MAGI2: variants seen among roughly 807,000 people sequenced by gnomAD.
The protein encoded by MAGI2 is membrane associated guanylate kinase, WW and PDZ domain containing 2.
Under a neutral mutation model 133.3 loss-of-function variants are expected in MAGI2, and 35 were observed. That is an observed-to-expected ratio of 0.26 (90% CI 0.20 to 0.35). The LOEUF (loss-of-function observed/expected upper bound fraction) is 0.35, where lower values mean the gene tolerates loss of function less well. MAGI2 is among the 10% of genes least tolerant of loss of function. The probability of loss-of-function intolerance (pLI) is 1.00; values close to 1 mark genes in which losing one functional copy is unlikely to be tolerated. For missense variants in MAGI2, 1,636 were observed against 1,863.4 expected, an observed-to-expected ratio of 0.88 and a Z score of 2.25; for synonymous variants, 729 against 710.6, an observed-to-expected ratio of 1.03 and a Z score of -0.41.
At chr7:79,366,164 C>G (rs1319968324) in intron 1 of MAGI2, among the ~76,000 whole-genome samples, 1 of 151,736 alleles carries the variant, frequency 6.6e-6, no homozygotes, top group African/African-American at 2.4e-5. Context: ...ATCGCTTGAG[C>G]CCAGGAAGTC....
chr7:79,030,945 C>G (rs1400612817), intron 1 of MAGI2, among the ~76,000 whole-genome samples: 1 of 152,218 alleles, frequency 6.6e-6, no homozygotes, highest in Non-Finnish European at 1.5e-5. Context: ...TCACTGATTA[C>G]TTTCACAAGT....
intron 1 of MAGI2, among the ~76,000 whole-genome samples, chr7:79,209,505 C>T (rs1278311115): frequency 6.6e-6 from 1 of 151,940 alleles, no homozygotes; most frequent in Non-Finnish European, 1.5e-5. Flanking sequence ...TCACCCTCTA[C>T]CTCTAGCAAT....
chr7:78,191,941 C>T (rs902933074), intron 12 of MAGI2, among the ~76,000 whole-genome samples: 2 of 152,158 alleles, frequency 1.3e-5, no homozygotes, highest in African/African-American at 4.8e-5. Context: ...AAATTTCCAT[C>T]ATTTGTAGGG....
chr7:78,773,238 G>A (rs1825729241), intron 2 of MAGI2, among the ~76,000 whole-genome samples: 1 of 151,968 alleles, frequency 6.6e-6, no homozygotes, highest in African/African-American at 2.4e-5. Context: ...TGATGAACAT[G>A]GAATATGGAC....
intron 9 of MAGI2, among the ~76,000 whole-genome samples, chr7:78,319,387 C>A (rs1307818048): frequency 2.6e-5 from 4 of 152,182 alleles, no homozygotes; most frequent in Non-Finnish European, 2.9e-5. Context: ...GGAAGTAAGA[C>A]ACTCCTCAGA....
intron 2 of MAGI2, among the ~76,000 whole-genome samples, chr7:78,890,957 C>T (rs1796693911): frequency 6.6e-6 from 1 of 151,764 alleles, no homozygotes; most frequent in Non-Finnish European, 1.5e-5. Context: ...TTTGAAAAGA[C>T]CAACGCAATT....
At chr7:78,083,387 G>GGAGAGAGAGAGAGAGAGAGAGA (rs747230358) in intron 20 of MAGI2, among the ~76,000 whole-genome samples, 35 of 33,304 alleles carry the variant, frequency 1.1e-3, no homozygotes, top group East Asian at 2.6e-3. Flanking sequence ...AGGGAGGGGG[G>GGAGAGAGAGAGAGAGAGAGAGA]GAGAGAGAGA....
intron 9 of MAGI2, among the ~76,000 whole-genome samples, chr7:78,336,117 A>G (rs1789731613): frequency 1.3e-5 from 2 of 152,332 alleles, no homozygotes; most frequent in South Asian, 4.1e-4. Flanking sequence ...GAGGGTGGGA[A>G]GGGACAGGGT....
At chr7:78,667,694 T>A (rs1813788698) in intron 2 of MAGI2, among the ~76,000 whole-genome samples, 1 of 151,978 alleles carries the variant, frequency 6.6e-6, no homozygotes, top group African/African-American at 2.4e-5. Flanking sequence ...TCCAATTTCA[T>A]CCATGTCCCT....
chr7:79,453,462 C>T lies in MAGI2; in HGVS notation c.-142G>A. ...TCGCCCCCCTCTATTCGGTGCTTTCCCTCTTCTTTGGATGGAGTGTGGACG... is the reference window on the plus strand; with the variant it reads ...TCGCCCCCCTCTATTCGGTGCTTTCTCTCTTCTTTGGATGGAGTGTGGACG... On this transcript the variant is annotated 5_prime_UTR_variant, in exon 1 of 22. Transcript: ENST00000354212. 6.8e-7 allele frequency: 1 copy of T among 1,468,552 alleles called. No individual in the cohort carries two copies. Among genetic ancestry groups the T allele is most frequent in the Non-Finnish European group, 8.9e-7 (1 of 1,117,524 alleles). The allele number at this position is 1,468,552 out of a possible 1,614,324, so 91.0% of individuals were successfully genotyped here. A position where few individuals can be genotyped will look rare whatever the true frequency, so the allele number is the denominator to read the frequency against.
intron 2 of MAGI2, among the ~76,000 whole-genome samples, chr7:78,925,458 T>C (rs1462555974): frequency 1.3e-5 from 2 of 152,152 alleles, no homozygotes; most frequent in East Asian, 1.9e-4. Context: ...CTTTCCATCA[T>C]TCATCTTGCT....
At chr7:78,057,579 A>C (rs1812722105) in intron 21 of MAGI2, among the ~76,000 whole-genome samples, 1 of 152,034 alleles carries the variant, frequency 6.6e-6, no homozygotes, top group Admixed American at 6.6e-5. Flanking sequence ...TTTGATTTGC[A>C]TTGCCCTGAT....
rs1795150665 is a variant in MAGI2 at position 78,277,334 on chromosome 7, A to G, written c.1409-20753T>C. Among the ~76,000 whole-genome samples, 4 of 152,178 alleles carry G rather than the reference A, an allele frequency of 2.6e-5. No homozygotes were observed. The South Asian group carries it at 8.3e-4, about 31-fold the overall frequency. On this transcript the variant is annotated intron_variant, in intron 9 of 21. Transcript: ENST00000354212. ...AACCAGTGATCACAAAAGTATCAAA[A>G]CAAAATGAAAGAAACTTTTTACCTC... is the stretch of plus-strand genomic sequence containing the variant.
chr7:78,943,229 A>G (rs568918233), intron 2 of MAGI2, among the ~76,000 whole-genome samples: 9 of 152,262 alleles, frequency 5.9e-5, no homozygotes, highest in Non-Finnish European at 1.2e-4. Flanking sequence ...GGGATATTTG[A>G]AGAACATTAA....
chr7:78,032,341 A>G (rs567344437), intron 21 of MAGI2, among the ~76,000 whole-genome samples: 2 of 152,132 alleles, frequency 1.3e-5, no homozygotes, highest in South Asian at 4.2e-4. Flanking sequence ...CAGCCTCCCG[A>G]GTAGCTGGGA....
At chr7:79,340,863 A>G (rs1840845809) in intron 1 of MAGI2, among the ~76,000 whole-genome samples, 2 of 152,226 alleles carry the variant, frequency 1.3e-5, no homozygotes, top group South Asian at 4.2e-4. Context: ...ATGGCCATTT[A>G]CCTGAGGTTT....
At chr7:78,882,132 A>G (rs1192765756) in intron 2 of MAGI2, among the ~76,000 whole-genome samples, 2 of 141,944 alleles carry the variant, frequency 1.4e-5, no homozygotes, top group Admixed American at 7.0e-5. Flanking sequence ...AAAAAAAAAG[A>G]GAGAGAGAGA....
chr7:78,025,787 G>A (rs948489253), intron 21 of MAGI2, among the ~76,000 whole-genome samples: 6 of 152,164 alleles, frequency 3.9e-5, no homozygotes, highest in African/African-American at 1.2e-4. Context: ...AAGAGTTCCC[G>A]CTTTCATCGG....
At chr7:78,119,981 T>G (rs1033271187) in intron 20 of MAGI2, among the ~76,000 whole-genome samples, 1 of 152,244 alleles carries the variant, frequency 6.6e-6, no homozygotes, top group Non-Finnish European at 1.5e-5. Context: ...AAGCACTTTA[T>G]GGAAAATCTA....
Sources: gnomAD v4.1 joint callset for allele counts (sites outside exome capture counted in the v4.1 genomes callset) on GRCh38, gnomAD v4.1.1 for gene constraint, MANE v1.5 for transcripts, NCBI Gene and HGNC (gene_info 2026-07-23, HGNC 2026-07-21) for gene names.